Variants in MAGI1 observed in about 807,000 individuals in gnomAD.
The protein encoded by MAGI1 is membrane-associated guanylate kinase, WW and PDZ domain-containing protein 1.
MAGI1 carries 58 observed loss-of-function variants against 139.9 expected under a neutral mutation model. The ratio of observed to expected loss-of-function variants is 0.41; its 90% confidence interval spans 0.34 to 0.52. The LOEUF (loss-of-function observed/expected upper bound fraction) is 0.52, where lower values mean the gene tolerates loss of function less well. Among genes scored for constraint, MAGI1 ranks in the 20% least tolerant of loss-of-function variants. MAGI1 has a pLI of 0.12. For synonymous variants in MAGI1, 812 were observed against 737.9 expected (o/e 1.10, Z -1.63); for missense variants, 1,874 against 1,901.6 (o/e 0.99, Z 0.27).
At chr3:66,011,022 G>A (rs774657416) in intron 1 of MAGI1, among the ~76,000 whole-genome samples, 10 of 152,198 alleles carry the variant, frequency 6.6e-5, no homozygotes, top group Non-Finnish European at 1.3e-4. Context: ...CCTTCCCAGG[G>A]AACTGGAGGG....
chr3:65,764,441 T>C (rs1303953412), intron 1 of MAGI1, among the ~76,000 whole-genome samples: 2 of 152,236 alleles, frequency 1.3e-5, no homozygotes, highest in African/African-American at 4.8e-5. Context: ...GTTGCTGATA[T>C]TCTATTTTAC....
chr3:65,618,167 T>C (rs769944949), intron 2 of MAGI1, among the ~76,000 whole-genome samples: 29 of 151,946 alleles, frequency 1.9e-4, no homozygotes, highest in Admixed American at 7.9e-4. Flanking sequence ...AGACACAAAG[T>C]GTGTTTGGAA....
Position 65,923,150 on chromosome 3 carries a change from A to C in MAGI1, c.313+114846T>G, listed in dbSNP as rs370460305. On this transcript the variant is annotated intron_variant, in intron 1 of 22. Coordinates refer to ENST00000402939, the MANE Select transcript of MAGI1 (RefSeq NM_001033057.2). ...TCTAATTCTTCTATGTAAGACCTAT[A>C]CTTGCTCTATCCATTCCGTATGTAT... Among the ~76,000 whole-genome samples the C allele has an allele frequency of 2.1e-4, 32 of 152,026 alleles. No individual in the cohort carries two copies. The South Asian group carries it at 3.1e-3, about 15-fold the overall frequency.
chr3:65,947,964 C>T (rs1291427593), intron 1 of MAGI1, among the ~76,000 whole-genome samples: 1 of 124,064 alleles, frequency 8.1e-6, no homozygotes, highest in Admixed American at 9.4e-5. Context: ...TTTTTTGAGA[C>T]AGAGTCTCAC....
At chr3:65,789,360 G>A (rs1057105836) in intron 1 of MAGI1, among the ~76,000 whole-genome samples, 1 of 152,114 alleles carries the variant, frequency 6.6e-6, no homozygotes, top group African/African-American at 2.4e-5. Context: ...CCTCTAGGCT[G>A]TAATAAAAGC....
At chr3:65,727,157 T>C (rs991090020) in intron 1 of MAGI1, among the ~76,000 whole-genome samples, 1 of 152,038 alleles carries the variant, frequency 6.6e-6, no homozygotes, top group Non-Finnish European at 1.5e-5. Context: ...CACTGTAGGA[T>C]TTACAAAAAT....
chr3:66,038,297 C>G lies in MAGI1; in HGVS notation c.12G>C (p.Val4=). ...TAGTCCAGTGGTTCTTCTTCTGGATCACTTTGGACATGATGAGTTACACCC... is the reference window on the plus strand; with the variant it reads ...TAGTCCAGTGGTTCTTCTTCTGGATGACTTTGGACATGATGAGTTACACCC... MSK[V]IQKKNHWTSR... Residue 4 remains valine (V), a synonymous_variant, in exon 1 of 23, where the codon GTG becomes GTC. Coordinates refer to ENST00000402939, the MANE Select transcript of MAGI1 (RefSeq NM_001033057.2). The G allele has an allele frequency of 1.9e-6, 3 of 1,580,338 alleles. No individual in the cohort carries two copies. The highest frequency in any genetic ancestry group is 1.7e-6 in the Non-Finnish European group (2 of 1,161,820).
At chr3:65,927,392 G>A (rs539003163) in intron 1 of MAGI1, among the ~76,000 whole-genome samples, 6 of 151,992 alleles carry the variant, frequency 3.9e-5, no homozygotes, top group Admixed American at 2.6e-4. Flanking sequence ...ACATAATCAC[G>A]CCCACTGAAT....
chr3:65,656,643 T>C (rs887378581), intron 1 of MAGI1, among the ~76,000 whole-genome samples: 3 of 151,900 alleles, frequency 2.0e-5, no homozygotes, highest in African/African-American at 7.3e-5. Context: ...CTAACAAAGA[T>C]GGGAATAAAG....
chr3:65,863,354 A>G (rs2059616628), intron 1 of MAGI1, among the ~76,000 whole-genome samples: 2 of 152,212 alleles, frequency 1.3e-5, no homozygotes, highest in Admixed American at 6.5e-5. Flanking sequence ...CTGGAGAGAG[A>G]GGCTAAGAGC....
intron 1 of MAGI1, among the ~76,000 whole-genome samples, chr3:65,715,658 AAAAG>A (rs2032146198): frequency 6.6e-6 from 1 of 152,230 alleles, no homozygotes. Flanking sequence ...GTTTGTTTAA[AAAAG>A]AAATCACTTG....
chr3:65,838,052 A>T (rs1215925563), intron 1 of MAGI1, among the ~76,000 whole-genome samples: 1 of 152,200 alleles, frequency 6.6e-6, no homozygotes, highest in East Asian at 1.9e-4. Flanking sequence ...GCATTGCAAT[A>T]TTTGTGTATG....
At chr3:65,540,504 AT>A (rs1357750145) in intron 2 of MAGI1, among the ~76,000 whole-genome samples, 1 of 152,184 alleles carries the variant, frequency 6.6e-6, no homozygotes, top group African/African-American at 2.4e-5. Flanking sequence ...ATGAATATAC[AT>A]TTTAAAAATA....
Position 65,805,966 on chromosome 3 carries a change from G to A in MAGI1, c.314-183878C>T, listed in dbSNP as rs903477990. 3.3e-5 allele frequency among the ~76,000 whole-genome samples: 5 copies of A among 152,046 alleles called. No individual in the cohort carries two copies. In the East Asian group the frequency reaches 7.7e-4, roughly 23 times the overall value. ...GGGGACAGGGGAAAGGAGAGCATCAGGATAAATAGCTAATAGATGCAGGGC... is the reference window on the plus strand; with the variant it reads ...GGGGACAGGGGAAAGGAGAGCATCAAGATAAATAGCTAATAGATGCAGGGC... On this transcript the variant is annotated intron_variant, in intron 1 of 22. Coordinates refer to ENST00000402939, the MANE Select transcript of MAGI1 (RefSeq NM_001033057.2).
At chr3:65,919,135 T>C (rs2062046624) in intron 1 of MAGI1, among the ~76,000 whole-genome samples, 1 of 152,226 alleles carries the variant, frequency 6.6e-6, no homozygotes, top group African/African-American at 2.4e-5. Context: ...TCACTGGCTT[T>C]TCCTTTGGAG....
At chr3:65,966,007 C>T (rs1031027832) in intron 1 of MAGI1, among the ~76,000 whole-genome samples, 1 of 152,254 alleles carries the variant, frequency 6.6e-6, no homozygotes, top group Admixed American at 6.5e-5. Context: ...AGATAGAAGA[C>T]GGTATCAATG....
intron 1 of MAGI1, among the ~76,000 whole-genome samples, chr3:65,738,872 T>C (rs1286241913): frequency 1.3e-5 from 2 of 152,204 alleles, no homozygotes; most frequent in African/African-American, 2.4e-5. Context: ...ATTCCATATA[T>C]AGAGCACAGG....
intron 2 of MAGI1, among the ~76,000 whole-genome samples, chr3:65,576,310 C>A (rs2081173772): frequency 6.6e-6 from 1 of 152,136 alleles, no homozygotes; most frequent in Non-Finnish European, 1.5e-5. Flanking sequence ...GGTGCTAGAA[C>A]AATCAATATA....
chr3:65,811,165 A>G (rs1190207161), intron 1 of MAGI1, among the ~76,000 whole-genome samples: 1 of 152,182 alleles, frequency 6.6e-6, no homozygotes, highest in South Asian at 2.1e-4. Context: ...TTATTTTCCT[A>G]CAGGCAACTT....
Sources: allele counts gnomAD v4.1 joint callset (sites outside exome capture counted in the v4.1 genomes callset), GRCh38; gene constraint gnomAD v4.1.1; transcripts MANE v1.5; gene names NCBI Gene and HGNC (gene_info 2026-07-23, HGNC 2026-07-21).